Variants in CLVS1 observed in about 807,000 individuals in gnomAD.
CLVS1 encodes clavesin-1.
A neutral mutation model predicts 33.1 loss-of-function variants in CLVS1; 10 were observed. That is an observed-to-expected ratio of 0.30 (90% CI 0.19 to 0.51). The LOEUF is 0.51. Ranked by LOEUF, CLVS1 falls within the 20% of genes least tolerant of loss-of-function variation. The pLI is 0.97. For synonymous variants in CLVS1, 163 were observed against 166.1 expected, an observed-to-expected ratio of 0.98 and a Z score of 0.14; for missense variants, 343 against 433.4, an observed-to-expected ratio of 0.79 and a Z score of 1.85.
intron 1 of CLVS1, among the ~76,000 whole-genome samples, chr8:61,113,789 T>G (rs1259123814): frequency 6.6e-6 from 1 of 152,168 alleles, no homozygotes; most frequent in African/African-American, 2.4e-5. Context: ...TGTGCCACCA[T>G]GCCCAGCTAA....
chr8:61,402,757 T>C (rs962160828), intron 3 of CLVS1, among the ~76,000 whole-genome samples: 1 of 152,184 alleles, frequency 6.6e-6, no homozygotes, highest in Non-Finnish European at 1.5e-5. Context: ...TGCAACTTAA[T>C]CTATAACTTA....
At chr8:61,490,011 C>A (rs991593500) in intron 5 of CLVS1, among the ~76,000 whole-genome samples, 6 of 152,152 alleles carry the variant, frequency 3.9e-5, no homozygotes, top group African/African-American at 1.2e-4. Context: ...CTCAATTTAA[C>A]GTTTAGAAAT....
At chr8:60,979,637 A>G in the CLVS1 span, among the ~76,000 whole-genome samples, 3 of 152,244 alleles carry the variant, frequency 2.0e-5, no homozygotes, top group Non-Finnish European at 4.4e-5. Flanking sequence ...ACACAGAAAA[A>G]TAAGAGCGAG....
the CLVS1 span, chr8:60,965,443 CTG>C: frequency 6.6e-6 from 1 of 152,418 alleles, no homozygotes; most frequent in African/African-American, 2.4e-5. Flanking sequence ...GGAAGAGTGT[CTG>C]TGGTGTCTGA....
At chr8:61,092,921 C>T (rs1441201304) in intron 1 of CLVS1, among the ~76,000 whole-genome samples, 9 of 152,164 alleles carry the variant, frequency 5.9e-5, no homozygotes, top group Middle Eastern at 3.4e-3. Context: ...AACTGGGCCA[C>T]GGCAGGGATT....
intron 3 of CLVS1, among the ~76,000 whole-genome samples, chr8:61,388,415 A>T (rs1240245891): frequency 6.6e-6 from 1 of 151,410 alleles, no homozygotes; most frequent in Non-Finnish European, 1.5e-5. Flanking sequence ...TTTATAAAAG[A>T]TCTGAAACGA....
chr8:61,390,666 G>A (rs1563531667), intron 3 of CLVS1, among the ~76,000 whole-genome samples: 3 of 152,118 alleles, frequency 2.0e-5, no homozygotes, highest in African/African-American at 4.8e-5. Flanking sequence ...TTTGCCATAC[G>A]TCTATTAAAT....
intron 2 of CLVS1, among the ~76,000 whole-genome samples, chr8:61,263,042 G>T (rs1281556017): frequency 6.6e-6 from 1 of 152,160 alleles, no homozygotes; most frequent in Admixed American, 6.5e-5. Context: ...GATTGAATCA[G>T]CTGGCATTCG....
At chr8:61,190,698 A>G (rs1807452572) in intron 2 of CLVS1, among the ~76,000 whole-genome samples, 2 of 152,250 alleles carry the variant, frequency 1.3e-5, no homozygotes, top group Non-Finnish European at 2.9e-5. Flanking sequence ...AGATATCACC[A>G]CTGATCCCAC....
rs75997561 is a variant in CLVS1 at position 61,384,385 on chromosome 8, A to G, written c.630+7606A>G. ...GGAGGGGTTAGAGGCAGGAGAACCA[A>G]TTAAAAGTCAACTGCAATAATTTAC... On this transcript the variant is annotated intron_variant, in intron 3 of 5. Coordinates refer to ENST00000325897, the MANE Select transcript of CLVS1 (RefSeq NM_173519.3). 7.8e-3 allele frequency among the ~76,000 whole-genome samples: 1,181 copies of G among 152,322 alleles called. 7 individuals carry two copies. The highest frequency in any genetic ancestry group is 0.013 in the Non-Finnish European group (877 of 68,032).
chr8:60,978,839 A>T, the CLVS1 span, among the ~76,000 whole-genome samples: 9 of 150,244 alleles, frequency 6.0e-5, 1 homozygote, highest in East Asian at 1.2e-3. Context: ...AAAAAGAAAT[A>T]ACTAAAAAAA....
rs1336670492 is a variant in CLVS1 at position 61,474,844 on chromosome 8, G to A, written c.977+16302G>A. ...AAGTTTTATTGTACATATGCACAAC[G>A]TGCAGGTTTGTTACATATGTATACA... On this transcript the variant is annotated intron_variant, in intron 5 of 5. Coordinates refer to ENST00000325897, the MANE Select transcript of CLVS1 (RefSeq NM_173519.3). Among the ~76,000 whole-genome samples the A allele has an allele frequency of 2.6e-5, 4 of 152,084 alleles. No homozygotes were observed. The South Asian group carries it at 6.2e-4, about 24-fold the overall frequency.
At chr8:61,175,627 G>A (rs1262489131) in intron 2 of CLVS1, among the ~76,000 whole-genome samples, 1 of 152,186 alleles carries the variant, frequency 6.6e-6, no homozygotes, top group Non-Finnish European at 1.5e-5. Context: ...TAAAGGCACA[G>A]GGAAGAAGGC....
At chr8:61,360,740 G>A (rs776355077) in intron 2 of CLVS1, among the ~76,000 whole-genome samples, 10 of 152,158 alleles carry the variant, frequency 6.6e-5, no homozygotes, top group Admixed American at 2.0e-4. Context: ...TTATAGCACC[G>A]ATGTGGAATA....
chr8:61,426,351 C>A (rs1815892158), intron 3 of CLVS1, among the ~76,000 whole-genome samples: 1 of 152,224 alleles, frequency 6.6e-6, no homozygotes, highest in Non-Finnish European at 1.5e-5. Context: ...GTGTGCATCA[C>A]TGCATATGGG....
chr8:61,286,864 T>C (rs1809793089), upstream of CLVS1, among the ~76,000 whole-genome samples: 1 of 152,364 alleles, frequency 6.6e-6, no homozygotes, highest in Admixed American at 6.5e-5. Context: ...GGGAATGCTG[T>C]ATTTGATATC....
chr8:61,088,914 G>A (rs1237442056), intron 1 of CLVS1, among the ~76,000 whole-genome samples: 1 of 151,352 alleles, frequency 6.6e-6, no homozygotes, highest in African/African-American at 2.4e-5. Flanking sequence ...CCATTCTCCT[G>A]CCTCAGCCTC....
chr8:61,286,310 G>T (rs1275818630), upstream of CLVS1, among the ~76,000 whole-genome samples: 2 of 152,092 alleles, frequency 1.3e-5, no homozygotes, highest in African/African-American at 4.8e-5. Flanking sequence ...GATATTAGAT[G>T]ATCAGCCAAT....
intron 2 of CLVS1, among the ~76,000 whole-genome samples, chr8:61,209,610 A>G (rs1481773036): frequency 6.6e-6 from 1 of 152,224 alleles, no homozygotes; most frequent in Non-Finnish European, 1.5e-5. Flanking sequence ...TGAGTCCATG[A>G]TGATGGCCAT....
Sources: allele counts gnomAD v4.1 joint callset (sites outside exome capture counted in the v4.1 genomes callset), GRCh38; gene constraint gnomAD v4.1.1; transcripts MANE v1.5; gene names NCBI Gene and HGNC (gene_info 2026-07-23, HGNC 2026-07-21).